The following PDE4D variants were observed in gnomAD, a reference collection of about 807,000 sequenced individuals.
PDE4D encodes phosphodiesterase 4D, also known as 3',5'-cyclic-AMP phosphodiesterase 4D.
PDE4D carries 24 observed loss-of-function variants against 87.4 expected under a neutral mutation model. The ratio of observed to expected loss-of-function variants is 0.27; its 90% CI spans 0.20 to 0.39. PDE4D has a LOEUF of 0.39. PDE4D is among the 10% of genes least tolerant of loss of function. The pLI is 1.00. For missense variants in PDE4D, 714 were observed against 1,041.0 expected (o/e 0.69, Z 4.32); for synonymous variants, 384 against 383.2 (o/e 1.00, Z -0.02).
At chr5:60,179,287 C>A (rs1384332936) in intron 2 of PDE4D, among the ~76,000 whole-genome samples, 1 of 151,978 alleles carries the variant, frequency 6.6e-6, no homozygotes, top group Non-Finnish European at 1.5e-5. Context: ...TTTTAATTTG[C>A]ACAAGTTAGG....
At chr5:59,755,501 T>G (rs1294433607) in intron 1 of PDE4D, among the ~76,000 whole-genome samples, 1 of 152,164 alleles carries the variant, frequency 6.6e-6, no homozygotes, top group Non-Finnish European at 1.5e-5. Context: ...ATGATCAATG[T>G]GTTAGTGAAA....
chr5:58,990,690 AT>A, intron 9 of PDE4D, 113 bp downstream of exon 9: 1 of 623,124 alleles, frequency 1.6e-6, no homozygotes, highest in Non-Finnish European at 2.8e-6. Flanking sequence ...GGATAAAAGT[AT>A]AAAAATAAGC....
chr5:59,233,443 C>A (rs1182859807), intron 1 of PDE4D, among the ~76,000 whole-genome samples: 1 of 152,130 alleles, frequency 6.6e-6, no homozygotes, highest in Non-Finnish European at 1.5e-5. Context: ...AGAAATATTT[C>A]ACAATTTATC....
At chr5:60,107,503 T>A (rs564815985) in intron 2 of PDE4D, among the ~76,000 whole-genome samples, 1 of 152,222 alleles carries the variant, frequency 6.6e-6, no homozygotes, top group Non-Finnish European at 1.5e-5. Context: ...CCCTAACTCA[T>A]TTGATGAGGC....
intron 1 of PDE4D, among the ~76,000 whole-genome samples, chr5:59,231,987 A>T (rs1399429236): frequency 1.3e-5 from 2 of 152,228 alleles, no homozygotes; most frequent in African/African-American, 4.8e-5. Context: ...GATCAGCTCA[A>T]GTGTGAACCT....
At chr5:59,029,288 G>T (rs1756840775) in intron 6 of PDE4D, among the ~76,000 whole-genome samples, 1 of 150,972 alleles carries the variant, frequency 6.6e-6, no homozygotes, top group Non-Finnish European at 1.5e-5. Context: ...GTGGTGGCAG[G>T]CGCCTGTAGT....
intron 1 of PDE4D, among the ~76,000 whole-genome samples, chr5:60,261,092 T>C (rs1749601620): frequency 6.6e-6 from 1 of 152,154 alleles, no homozygotes; most frequent in South Asian, 2.1e-4. Context: ...CTGGAAACAT[T>C]ATTATATTGA....
intron 1 of PDE4D, among the ~76,000 whole-genome samples, chr5:59,883,754 G>A (rs1432496006): frequency 1.3e-5 from 2 of 152,090 alleles, no homozygotes; most frequent in Non-Finnish European, 2.9e-5. Flanking sequence ...CCTTGGATTA[G>A]TTGATAGGAA....
chr5:59,347,112 A>G (rs1198578098), intron 1 of PDE4D, among the ~76,000 whole-genome samples: 1 of 152,192 alleles, frequency 6.6e-6, no homozygotes, highest in East Asian at 1.9e-4. Context: ...TTCCCTTTGG[A>G]TGGGAACACA....
At position 59,782,945 on chromosome 5, in the gene PDE4D, G is replaced by A. The variant is rs143053439; in HGVS notation, c.455+110223C>T. Among the ~76,000 whole-genome samples the A allele has an allele frequency of 1.8e-3, 277 of 152,140 alleles. 1 individual carries two copies. The highest frequency in any genetic ancestry group is 6.0e-3 in the African/African-American group (251 of 41,516). On this transcript the variant is annotated intron_variant, in intron 1 of 14. Coordinates refer to ENST00000340635, the MANE Select transcript of PDE4D (RefSeq NM_001104631.2). The stretch of plus-strand genomic sequence containing the variant: ...ATTGGCCCCCCTTCACCCATGCTTT[G>A]GACTTTACCATTTCCTTCTCTTCCT...
At chr5:60,114,941 CATGGATGGATGGATGGATGGATGG>C (rs72415755) in intron 2 of PDE4D, among the ~76,000 whole-genome samples, 21,280 of 89,098 alleles carry the variant, frequency 0.24, 1,556 homozygotes, top group Middle Eastern at 0.38. Context: ...TAGATAGATA[CATGGATGGATGGATGGATGGATGG>C]ATGGATGGAT....
intron 1 of PDE4D, among the ~76,000 whole-genome samples, chr5:60,244,003 G>C (rs1169707645): frequency 6.6e-6 from 1 of 151,890 alleles, no homozygotes; most frequent in East Asian, 1.9e-4. Context: ...TAGAAAGGAA[G>C]GAGTCAAATT....
chr5:60,315,779 C>T (rs113693668), intron 1 of PDE4D, among the ~76,000 whole-genome samples: 2 of 151,674 alleles, frequency 1.3e-5, no homozygotes, highest in African/African-American at 4.9e-5. Context: ...TCAGGTTTGT[C>T]AAAGATCAGA....
At chr5:60,304,507 C>T (rs956894063) in intron 1 of PDE4D, among the ~76,000 whole-genome samples, 4 of 150,912 alleles carry the variant, frequency 2.7e-5, no homozygotes, top group Admixed American at 1.3e-4. Context: ...TAGCCGGGCG[C>T]GGTGGCGGGC....
At chr5:60,079,911 A>C (rs1773742411) in intron 2 of PDE4D, among the ~76,000 whole-genome samples, 1 of 152,232 alleles carries the variant, frequency 6.6e-6, no homozygotes, top group Admixed American at 6.5e-5. Context: ...AATTCTGTGA[A>C]GAATGTCAAT....
chr5:59,451,108 C>G (rs1327411124), intron 1 of PDE4D, among the ~76,000 whole-genome samples: 1 of 152,184 alleles, frequency 6.6e-6, no homozygotes, highest in African/African-American at 2.4e-5. Context: ...GGAAATTTCT[C>G]CCATTGGGTC....
intron 1 of PDE4D, among the ~76,000 whole-genome samples, chr5:59,806,383 G>A (rs1767734440): frequency 6.6e-6 from 1 of 152,196 alleles, no homozygotes; most frequent in South Asian, 2.1e-4. Context: ...TGGAGACCTG[G>A]AAACAGTTAA....
intron 6 of PDE4D, chr5:58,999,368 T>G (rs1487334190): frequency 7.7e-6 from 3 of 388,294 alleles, no homozygotes; most frequent in Non-Finnish European, 1.4e-5. Flanking sequence ...TATTTCTTCC[T>G]AGTTCATGTG....
chr5:59,943,913 T>A (rs6897766), intron 3 of PDE4D, among the ~76,000 whole-genome samples: 1 of 152,008 alleles, frequency 6.6e-6, no homozygotes, highest in Non-Finnish European at 1.5e-5. Context: ...GGGACTATTA[T>A]GGCAGACGAA....
Sources: gnomAD v4.1 joint callset for allele counts (sites outside exome capture counted in the v4.1 genomes callset) on GRCh38, gnomAD v4.1.1 for gene constraint, MANE v1.5 for transcripts, NCBI Gene and HGNC (gene_info 2026-07-23, HGNC 2026-07-21) for gene names.